Variants in SPTBN1 observed in about 807,000 individuals in gnomAD.
The protein encoded by SPTBN1 is spectrin beta chain, non-erythrocytic 1.
Under a neutral mutation model 266.4 loss-of-function variants are expected in SPTBN1, and 32 were observed. The ratio of observed to expected loss-of-function variants is 0.12; its 90% CI spans 0.09 to 0.16. The LOEUF (loss-of-function observed/expected upper bound fraction) is 0.16, where lower values mean the gene tolerates loss of function less well. Among genes scored for constraint, SPTBN1 ranks in the 10% least tolerant of loss-of-function variants. The pLI is 1.00. For missense variants in SPTBN1, 2,296 were observed against 3,067.1 expected (o/e 0.75, Z 5.94); for synonymous variants, 1,336 against 1,162.2 (o/e 1.15, Z -3.04).
chr2:54,632,529 A>G lies in SPTBN1; in HGVS notation c.3565-37A>G, dbSNP rs200570492. 8 of 1,602,384 alleles carry G rather than the reference A, an allele frequency of 5.0e-6. No individual in the cohort carries two copies. In the East Asian group the frequency reaches 1.3e-4, roughly 27 times the overall value. On this transcript the variant is annotated intron_variant, in intron 16 of 35. Coordinates refer to ENST00000356805, the MANE Select transcript of SPTBN1 (RefSeq NM_003128.3). Reference sequence around the variant, plus strand: ...AGAACACAGGAAAATGAGATCCTTCATTGATCTGCTATGATTTGTTCCTCT... The same window carrying G: ...AGAACACAGGAAAATGAGATCCTTCGTTGATCTGCTATGATTTGTTCCTCT...
intron 2 of SPTBN1, among the ~76,000 whole-genome samples, chr2:54,585,325 C>A (rs1193929472): frequency 6.6e-6 from 1 of 152,222 alleles, no homozygotes; most frequent in Non-Finnish European, 1.5e-5. Context: ...GCCCTGCCCT[C>A]TTCTGATGAG....
intron 2 of SPTBN1, chr2:54,557,860 C>T: frequency 1.0e-6 from 1 of 985,434 alleles, no homozygotes; most frequent in Non-Finnish European, 1.2e-6. Context: ...CTGCACAGCG[C>T]CCTGAGAGTG....
rs574994565 is a variant in SPTBN1, at chr2:54,625,029, G to C, written c.1341+67G>C. On this transcript the variant is annotated intron_variant, in intron 11 of 35. Transcript: ENST00000356805. ...ATCTAGAAACACAGACCATCCCCAG[G>C]GGCATAGGGCCAGAGGACAGCTGCT... is the stretch of plus-strand genomic sequence containing the variant. The C allele has an allele frequency of 1.2e-5, 18 of 1,504,540 alleles. No individual in the cohort carries two copies. In the African/African-American group the frequency reaches 2.4e-4, roughly 20 times the overall value. 93.2% of individuals were successfully genotyped at this position (1,504,540 alleles called of 1,614,324 possible).
chr2:54,558,530 T>C lies in SPTBN1; in HGVS notation c.148+31964T>C, dbSNP rs1427660966. The C allele has an allele frequency of 6.4e-6, 8 of 1,256,368 alleles. No homozygotes were observed. Among genetic ancestry groups the C allele is most frequent in the South Asian group, 2.6e-5 (1 of 39,164 alleles). The allele number at this position is 1,256,368 out of a possible 1,614,324, so 77.8% of individuals were successfully genotyped here. A position where few individuals can be genotyped will look rare whatever the true frequency, so the allele number is the denominator to read the frequency against. On this transcript the variant is annotated intron_variant, in intron 2 of 35. Transcript: ENST00000356805. The surrounding 1 kb of genome is among the most constrained non-coding windows in gnomAD (Gnocchi z 4.6). The stretch of plus-strand genomic sequence containing the variant: ...TCCTCCTCAGTAATTTATTTCGAGC[T>C]TCCAGGCAAGGGCCACGGAAGAAGG...
intron 2 of SPTBN1, among the ~76,000 whole-genome samples, chr2:54,560,148 G>A (rs1222215147): frequency 1.3e-5 from 2 of 148,212 alleles, no homozygotes; most frequent in East Asian, 2.0e-4. Context: ...GAAAACTTAA[G>A]CTGGGGGCGC....
intron 2 of SPTBN1, among the ~76,000 whole-genome samples, chr2:54,577,616 T>G (rs1210820385): frequency 6.6e-6 from 1 of 152,220 alleles, no homozygotes; most frequent in Non-Finnish European, 1.5e-5. Flanking sequence ...GCAGTATTGA[T>G]TCATATGCTC....
chr2:54,571,580 C>CACAT (rs1327050273), intron 2 of SPTBN1, among the ~76,000 whole-genome samples: 3 of 131,676 alleles, frequency 2.3e-5, no homozygotes, highest in Non-Finnish European at 4.6e-5. Context: ...CACACATACA[C>CACAT]ACACACACAC....
At chr2:54,632,496 G>C in intron 16 of SPTBN1, 70 bp from the exon 17 acceptor site, 2 of 1,460,264 alleles carry the variant, frequency 1.4e-6, no homozygotes, top group Non-Finnish European at 1.9e-6. Flanking sequence ...TATGTTGCAC[G>C]GAAATGTAGA....
At chr2:54,660,285 T>A in intron 32 of SPTBN1, 1 of 1,289,050 alleles carries the variant, frequency 7.8e-7, no homozygotes, top group Non-Finnish European at 9.8e-7. Context: ...ACTTATTTTT[T>A]GTTTATTTAT....
chr2:54,553,972 A>T (rs1232168689), intron 2 of SPTBN1, among the ~76,000 whole-genome samples: 1 of 152,222 alleles, frequency 6.6e-6, no homozygotes, highest in East Asian at 1.9e-4. Context: ...CAGGTCCACC[A>T]AGTATGAGAA....
Position 54,558,084 on chromosome 2 carries a change from G to C in SPTBN1, c.148+31518G>C. 2 of 985,436 alleles carry C rather than the reference G, an allele frequency of 2.0e-6. No homozygotes were observed. The highest frequency in any genetic ancestry group is 2.4e-6 in the Non-Finnish European group (2 of 829,920). The allele number at this position is 985,436 out of a possible 1,614,324, so 61.0% of individuals were successfully genotyped here. On this transcript the variant is annotated intron_variant, in intron 2 of 35. Coordinates refer to ENST00000356805, the MANE Select transcript of SPTBN1 (RefSeq NM_003128.3). This position sits in a 1 kb window ranked among gnomAD's most constrained non-coding sequence, Gnocchi z 4.6. ...GCCTTTTCAAGTGATAGTAATCGGAGACTTTTCCGTTACATGAGGCTCAAC... is the reference window on the plus strand; with the variant it reads ...GCCTTTTCAAGTGATAGTAATCGGACACTTTTCCGTTACATGAGGCTCAAC...
At position 54,628,274 on chromosome 2, in the gene SPTBN1, T is replaced by A. The variant is rs1250138137; in HGVS notation, c.1798+24T>A. ...AGGTAAGGATGGCCCATTCCAAGCA[T>A]TACCTCCGGGTCACCAGAGATTCAT... On this transcript the variant is annotated intron_variant, in intron 13 of 35. Coordinates refer to ENST00000356805, the MANE Select transcript of SPTBN1 (RefSeq NM_003128.3). This position sits in a 1 kb window ranked among gnomAD's most constrained non-coding sequence, Gnocchi z 4.3. 1.4e-5 allele frequency: 23 copies of A among 1,598,242 alleles called. No individual in the cohort carries two copies. The highest frequency in any genetic ancestry group is 1.9e-5 in the Non-Finnish European group (22 of 1,172,650).
chr2:54,612,135 C>G (rs757672443), intron 3 of SPTBN1, 26 bp from the exon 4 acceptor site: 5 of 1,562,316 alleles, frequency 3.2e-6, no homozygotes, highest in East Asian at 2.3e-5. Context: ...GGTGATGTGT[C>G]TCTACCTCTG....
intron 2 of SPTBN1, among the ~76,000 whole-genome samples, chr2:54,535,411 C>T (rs1324509024): frequency 1.3e-5 from 2 of 152,170 alleles, no homozygotes; most frequent in Non-Finnish European, 2.9e-5. Context: ...ATTTTCCTTT[C>T]CCCCAGCCCC....
intron 3 of SPTBN1, among the ~76,000 whole-genome samples, chr2:54,603,337 G>T (rs781685795): frequency 6.6e-6 from 1 of 152,090 alleles, no homozygotes; most frequent in Non-Finnish European, 1.5e-5. Context: ...GGTTTTTTTT[G>T]AAAGGAGTGG....
chr2:54,575,386 C>G (rs1674389845), intron 2 of SPTBN1, among the ~76,000 whole-genome samples: 1 of 152,198 alleles, frequency 6.6e-6, no homozygotes, highest in African/African-American at 2.4e-5. Flanking sequence ...TGAGTAAATT[C>G]TTCCATTAAA....
chr2:54,484,149 G>A (rs1350815437), intron 1 of SPTBN1, among the ~76,000 whole-genome samples: 1 of 152,188 alleles, frequency 6.6e-6, no homozygotes, highest in Non-Finnish European at 1.5e-5. Flanking sequence ...TTGCACCACT[G>A]CACTCCATCC....
At chr2:54,485,511 G>A (rs1439787669) in intron 1 of SPTBN1, among the ~76,000 whole-genome samples, 2 of 152,220 alleles carry the variant, frequency 1.3e-5, no homozygotes, top group East Asian at 3.9e-4. Flanking sequence ...TGCCCAGGCT[G>A]GAGTGCAGTG....
At chr2:54,536,184 A>G (rs1213539000) in intron 2 of SPTBN1, among the ~76,000 whole-genome samples, 2 of 152,236 alleles carry the variant, frequency 1.3e-5, no homozygotes, top group African/African-American at 4.8e-5. Flanking sequence ...TTTTCTACCA[A>G]AGTGGACCTG....
Sources: gnomAD v4.1 joint callset for allele counts (sites outside exome capture counted in the v4.1 genomes callset) on GRCh38, gnomAD v4.1.1 for gene constraint, Gnocchi (gnomAD v3.1) non-coding constraint, MANE v1.5 for transcripts, NCBI Gene and HGNC (gene_info 2026-07-23, HGNC 2026-07-21) for gene names.